APBB2: variants seen among roughly 807,000 people sequenced by gnomAD.
APBB2 encodes the protein amyloid beta precursor protein binding family B member 2.
APBB2 carries 38 observed loss-of-function variants against 82.5 expected under a neutral mutation model. The observed-to-expected ratio is 0.46, with a 90% CI of 0.36 to 0.60. The LOEUF (loss-of-function observed/expected upper bound fraction) is 0.60. APBB2 is among the 20% of genes least tolerant of loss of function. The pLI, the probability that APBB2 is intolerant of heterozygous loss-of-function variation, is 0.00. For synonymous variants in APBB2, 341 were observed against 368.2 expected, an observed-to-expected ratio of 0.93 and a Z score of 0.85; for missense variants, 772 against 972.3, an observed-to-expected ratio of 0.79 and a Z score of 2.74.
chr4:40,843,905 A>C (rs1235388446), intron 12 of APBB2, among the ~76,000 whole-genome samples: 1 of 152,214 alleles, frequency 6.6e-6, no homozygotes, highest in Non-Finnish European at 1.5e-5. Context: ...CTCGAATTCT[A>C]GTCTTAGATG....
At chr4:40,923,120 C>T (rs28667220) in intron 10 of APBB2, among the ~76,000 whole-genome samples, 2,508 of 151,814 alleles carry the variant, frequency 0.017, 61 homozygotes, top group African/African-American at 0.054. Flanking sequence ...GGACTACAGG[C>T]GCCCGCCACC....
chr4:41,051,983 T>C (rs978744184), intron 4 of APBB2, among the ~76,000 whole-genome samples: 2 of 152,212 alleles, frequency 1.3e-5, no homozygotes, highest in Non-Finnish European at 2.9e-5. Flanking sequence ...TGTAAAGCAC[T>C]CAGAATGGTG....
intron 6 of APBB2, among the ~76,000 whole-genome samples, chr4:40,986,561 CTG>C (rs1019892922): frequency 2.6e-5 from 4 of 152,168 alleles, no homozygotes; most frequent in South Asian, 4.2e-4. Flanking sequence ...GCTTCCTTGT[CTG>C]GATGAGCTGG....
intron 1 of APBB2, among the ~76,000 whole-genome samples, chr4:41,187,881 T>C (rs966194489): frequency 3.9e-5 from 6 of 152,254 alleles, no homozygotes; most frequent in Non-Finnish European, 7.3e-5. Context: ...TATGTATGCA[T>C]GTATGTATAT....
intron 10 of APBB2, among the ~76,000 whole-genome samples, chr4:40,904,647 T>C (rs992804699): frequency 2.0e-5 from 3 of 151,712 alleles, no homozygotes; most frequent in African/African-American, 7.3e-5. Flanking sequence ...ACTGTCATTA[T>C]GTATATGGTT....
chr4:41,117,833 T>G (rs1376819886), intron 2 of APBB2, among the ~76,000 whole-genome samples: 4 of 152,162 alleles, frequency 2.6e-5, no homozygotes, highest in Non-Finnish European at 5.9e-5. Context: ...CTGTGCAAAG[T>G]CACTATGTGT....
chr4:40,978,092 C>T (rs1007403351), intron 6 of APBB2, among the ~76,000 whole-genome samples: 2 of 152,176 alleles, frequency 1.3e-5, no homozygotes, highest in African/African-American at 4.8e-5. Flanking sequence ...ATAGCCTATG[C>T]CTGGATTGTT....
intron 1 of APBB2, among the ~76,000 whole-genome samples, chr4:41,166,351 G>A (rs1766593678): frequency 6.6e-6 from 1 of 151,548 alleles, no homozygotes; most frequent in Admixed American, 6.6e-5. Flanking sequence ...GCCCAGAGCT[G>A]TATTCTATGG....
rs551677821 is a variant in APBB2 at position 41,120,545 on chromosome 4, T to C, written c.-260-19795A>G. Reference sequence around the variant, plus strand: ...TGACCTTAAAATAATGTTTAAGTTTTATAACATGGCTGATAATCATAAATG... The same window carrying C: ...TGACCTTAAAATAATGTTTAAGTTTCATAACATGGCTGATAATCATAAATG... On this transcript the variant is annotated intron_variant, in intron 2 of 17. Coordinates refer to ENST00000508593, the MANE Select transcript of APBB2 (RefSeq NM_004307.2). Among the ~76,000 whole-genome samples the C allele has an allele frequency of 2.6e-5, 4 of 152,334 alleles. No individual in the cohort carries two copies. The East Asian group carries it at 7.7e-4, about 29-fold the overall frequency.
At chr4:40,846,848 C>T (rs567776362) in intron 12 of APBB2, among the ~76,000 whole-genome samples, 1 of 152,124 alleles carries the variant, frequency 6.6e-6, no homozygotes, top group East Asian at 1.9e-4. Flanking sequence ...TTAAAAGCAA[C>T]CAGGAAACGA....
intron 10 of APBB2, among the ~76,000 whole-genome samples, chr4:40,918,742 T>TCCC (rs1780504430): frequency 7.9e-6 from 1 of 126,376 alleles, no homozygotes; most frequent in African/African-American, 3.1e-5. Flanking sequence ...CCCTCCCTCC[T>TCCC]TCCTTATTTT....
intron 1 of APBB2, among the ~76,000 whole-genome samples, chr4:41,150,292 T>C (rs564891798): frequency 5.3e-5 from 8 of 152,330 alleles, no homozygotes; most frequent in Non-Finnish European, 1.0e-4. Context: ...ATTTAGAGCA[T>C]TGGGGAAGTA....
intron 7 of APBB2, 63 bp from the exon 8 acceptor site, chr4:40,935,202 GAA>G (rs5857759): frequency 2.9e-3 from 2,348 of 801,836 alleles, no homozygotes; most frequent in South Asian, 3.6e-3. Flanking sequence ...GAAAAGAAAA[GAA>G]AAAAAAAAAA....
intron 12 of APBB2, 83 bp downstream of exon 12, chr4:40,890,281 A>C: frequency 5.3e-6 from 8 of 1,504,690 alleles, no homozygotes; most frequent in Non-Finnish European, 7.1e-6. Context: ...TATTCCGTGA[A>C]ATGCTGCGAG....
intron 6 of APBB2, among the ~76,000 whole-genome samples, chr4:40,957,581 A>G (rs1791984853): frequency 1.1e-5 from 1 of 93,898 alleles, no homozygotes; most frequent in Non-Finnish European, 2.1e-5. Flanking sequence ...TCCACCTCAT[A>G]TTCCTTTTTT....
intron 3 of APBB2, among the ~76,000 whole-genome samples, chr4:41,091,372 G>A (rs775986849): frequency 1.8e-4 from 28 of 152,280 alleles, no homozygotes; most frequent in South Asian, 4.2e-4. Flanking sequence ...GTATGCTAGC[G>A]AAGTCACCCC....
intron 6 of APBB2, among the ~76,000 whole-genome samples, chr4:40,972,244 A>G (rs559612398): frequency 9.9e-5 from 15 of 151,528 alleles, no homozygotes; most frequent in African/African-American, 3.4e-4. Flanking sequence ...CTGGCTAACA[A>G]GGTGAAACCC....
chr4:40,933,960 T>C (rs1784813625), intron 10 of APBB2, among the ~76,000 whole-genome samples: 1 of 152,192 alleles, frequency 6.6e-6, no homozygotes. Context: ...AGAAACAAAA[T>C]GGACACAAGT....
chr4:41,189,353 T>G (rs1773780280), intron 1 of APBB2, among the ~76,000 whole-genome samples: 1 of 152,112 alleles, frequency 6.6e-6, no homozygotes, highest in African/African-American at 2.4e-5. Context: ...AGGGGTACTG[T>G]CTGGAAGGGG....
Sources: allele counts gnomAD v4.1 joint callset (sites outside exome capture counted in the v4.1 genomes callset), GRCh38; gene constraint gnomAD v4.1.1; transcripts MANE v1.5; gene names NCBI Gene and HGNC (gene_info 2026-07-23, HGNC 2026-07-21).